TBC1D9B: variants seen among roughly 807,000 people sequenced by gnomAD.
TBC1D9B encodes the protein TBC1 domain family member 9B, also known as TBC1 domain family, member 9B (with GRAM domain).
In TBC1D9B, 87 loss-of-function variants were observed where a neutral mutation model predicts 121.1. That is an observed-to-expected ratio of 0.72 (90% confidence interval 0.60 to 0.86). The LOEUF is 0.86. TBC1D9B is among the 40% of genes least tolerant of loss of function. The probability of loss-of-function intolerance (pLI) is 0.00; values close to 1 mark genes in which losing one functional copy is unlikely to be tolerated. For missense variants in TBC1D9B, 1,540 were observed against 1,628.6 expected (o/e 0.95, Z 0.94); for synonymous variants, 668 against 670.1 (o/e 1.00, Z 0.05).
intron 17 of TBC1D9B, chr5:179,868,989 A>G (rs1266691391): frequency 6.5e-6 from 1 of 153,774 alleles, no homozygotes; most frequent in African/African-American, 2.4e-5. Flanking sequence ...CTCTGGAGGC[A>G]CAGAGCAATG....
Position 179,865,719 on chromosome 5 carries a change from G to C in TBC1D9B, c.2914+119C>G. On this transcript the variant is annotated intron_variant, in intron 19 of 20. Coordinates refer to ENST00000355235, the MANE Select transcript of TBC1D9B (RefSeq NM_015043.4). This position sits in a 1 kb window ranked among gnomAD's most constrained non-coding sequence, Gnocchi z 5.1. Reference sequence around the variant, plus strand: ...CCCGAGGCCTGCTCCCTGATCGGGGGACGCATCCGCCATCTCCCGGGGTAG... The same window carrying C: ...CCCGAGGCCTGCTCCCTGATCGGGGCACGCATCCGCCATCTCCCGGGGTAG... 1.7e-6 allele frequency: 2 copies of C among 1,155,326 alleles called. No homozygotes were observed. Among genetic ancestry groups the C allele is most frequent in the Non-Finnish European group, 2.5e-6 (2 of 806,626 alleles). The allele number at this position is 1,155,326 out of a possible 1,614,324, so 71.6% of individuals were successfully genotyped here.
chr5:179,877,936 C>T (rs1434068896), intron 10 of TBC1D9B, among the ~76,000 whole-genome samples: 2 of 152,070 alleles, frequency 1.3e-5, no homozygotes, highest in Non-Finnish European at 2.9e-5. Flanking sequence ...TGTGGTTTTG[C>T]AAGATGAAGA....
At position 179,876,093 on chromosome 5, in the gene TBC1D9B, CTG is replaced by C. The variant is rs1439978715; in HGVS notation, c.1783-58_1783-57del. 4.1e-6 allele frequency: 6 copies of C among 1,475,108 alleles called. No homozygotes were observed. The East Asian group carries it at 1.5e-4, about 36-fold the overall frequency. The allele number at this position is 1,475,108 out of a possible 1,614,324, so 91.4% of individuals were successfully genotyped here. A position where few individuals can be genotyped will look rare whatever the true frequency, so the allele number is the denominator to read the frequency against. ...TTGCACTGCTGGCCAGCAAATAAAA[CTG>C]TCTCTCCCCACCCCTCCCAGCCACC... is the stretch of plus-strand genomic sequence containing the variant. On this transcript the variant is annotated intron_variant, in intron 10 of 20. Transcript: ENST00000355235.
chr5:179,888,825 G>A (rs1760771949), intron 6 of TBC1D9B, among the ~76,000 whole-genome samples: 1 of 152,188 alleles, frequency 6.6e-6, no homozygotes, highest in Admixed American at 6.5e-5. Context: ...ACAGTCAGCA[G>A]GGGTGAGTGC....
In TBC1D9B at chr5:179,873,259, C is replaced by A; in HGVS notation, c.2187-11G>T. 6.3e-7 allele frequency: 1 copy of A among 1,589,918 alleles called. No homozygotes were observed. Among genetic ancestry groups the A allele is most frequent in the Non-Finnish European group, 8.6e-7 (1 of 1,168,182 alleles). On this transcript the variant is annotated splice_polypyrimidine_tract_variant and intron_variant, in intron 12 of 20. Transcript: ENST00000355235. ...ACATTATCCAGGTATCTGCAAAGGA[C>A]AGAGGACAACAGTCCAGACCACGCC...
intron 2 of TBC1D9B, 122 bp from the exon 3 acceptor site, chr5:179,899,429 C>T: frequency 1.3e-6 from 1 of 782,442 alleles, no homozygotes; most frequent in Admixed American, 2.3e-5. Context: ...CCAGAATCTT[C>T]AAGCTGCTTT....
chr5:179,891,724 A>T lies in TBC1D9B; in HGVS notation c.837-138T>A. ...CCTGGGGTGGTCCCTTGAGCAAGTC[A>T]TGCTCAGGGACCTCAGAGTTCAATA... On this transcript the variant is annotated intron_variant, in intron 5 of 20. Transcript: ENST00000355235. This position sits in a 1 kb window ranked among gnomAD's most constrained non-coding sequence, Gnocchi z 4.3. 1 of 850,060 alleles carries T rather than the reference A, an allele frequency of 1.2e-6. No homozygotes were observed. The highest frequency in any genetic ancestry group is 1.8e-6 in the Non-Finnish European group (1 of 553,882). 52.7% of individuals were successfully genotyped at this position (850,060 alleles called of 1,614,324 possible).
In TBC1D9B at chr5:179,865,164, A is replaced by T; in HGVS notation, c.3021+90T>A. ...GGGAGGAGCCTTCCCACCCACCAGGAGATGCTGCAGTGCAGGTGCGGTGAT... is the reference window on the plus strand; with the variant it reads ...GGGAGGAGCCTTCCCACCCACCAGGTGATGCTGCAGTGCAGGTGCGGTGAT... On this transcript the variant is annotated intron_variant, in intron 20 of 20. Transcript: ENST00000355235. This position sits in a 1 kb window ranked among gnomAD's most constrained non-coding sequence, Gnocchi z 5.1. 1.6e-6 allele frequency: 2 copies of T among 1,219,412 alleles called. No individual in the cohort carries two copies. The highest frequency in any genetic ancestry group is 2.4e-6 in the Non-Finnish European group (2 of 827,728). The allele number at this position is 1,219,412 out of a possible 1,614,324, so 75.5% of individuals were successfully genotyped here.
At position 179,863,883 on chromosome 5, in the gene TBC1D9B, G is replaced by T. The variant is rs1331006213; in HGVS notation, c.3267C>A (p.Asp1089Glu). 1 of 1,613,148 alleles carries T rather than the reference G, an allele frequency of 6.2e-7. No individual in the cohort carries two copies. The highest frequency in any genetic ancestry group is 8.5e-7 in the Non-Finnish European group (1 of 1,179,510). The change falls in exon 21 of 21, where the codon GAC becomes GAA. Residue 1089 changes from aspartate to glutamate, a missense_variant. Transcript: ENST00000355235. The surrounding 1 kb of genome is among the most constrained non-coding windows in gnomAD (Gnocchi z 4.5). ...ARELQPPAAG[D>E]PQAKAGGDTH... ...TGTCTCCGCCTGCTTTGGCTTGGGG[G>T]TCTCCTGCAGCTGGGGGCTGAAGCT...
Position 179,902,179 on chromosome 5 carries a change from TA to T in TBC1D9B, c.229+2522del, listed in dbSNP as rs1410201265. Among the ~76,000 whole-genome samples, 19 of 151,486 alleles carry T rather than the reference TA, an allele frequency of 1.3e-4. No homozygotes were observed. The highest frequency in any genetic ancestry group is 4.6e-4 in the African/African-American group (19 of 41,180). On this transcript the variant is annotated intron_variant, in intron 2 of 20. Coordinates refer to ENST00000355235, the MANE Select transcript of TBC1D9B (RefSeq NM_015043.4). The surrounding 1 kb of genome is among the most constrained non-coding windows in gnomAD (Gnocchi z 4.9). The stretch of plus-strand genomic sequence containing the variant: ...TGCAGACACGTCATGTCCAGAGGAG[TA>T]AGGAGGAAGGATGGGTCTGTGGAGT...
Position 179,890,107 on chromosome 5 carries a change from G to A in TBC1D9B, c.1044+1272C>T, listed in dbSNP as rs912125787. ...GTCACTTCCCGAGGGAAGCATGGAA[G>A]CGGGTGGTTGGGAGTGAAATTCAAG... On this transcript the variant is annotated intron_variant, in intron 6 of 20. Coordinates refer to ENST00000355235, the MANE Select transcript of TBC1D9B (RefSeq NM_015043.4). This position sits in a 1 kb window ranked among gnomAD's most constrained non-coding sequence, Gnocchi z 5.0. Among the ~76,000 whole-genome samples the A allele has an allele frequency of 7.2e-5, 11 of 152,314 alleles. No individual in the cohort carries two copies. Among genetic ancestry groups the A allele is most frequent in the Non-Finnish European group, 1.3e-4 (9 of 68,034 alleles).
At chr5:179,887,913 G>C in intron 7 of TBC1D9B, 190 bp downstream of exon 7, 2 of 691,500 alleles carry the variant, frequency 2.9e-6, no homozygotes, top group Admixed American at 5.4e-5. Context: ...GGCTGGGGGT[G>C]CAGAGAGGCT....
rs913078224 is a variant in TBC1D9B at position 179,902,841 on chromosome 5, A to G, written c.229+1861T>C. 6.6e-6 allele frequency among the ~76,000 whole-genome samples: 1 copy of G among 152,140 alleles called. No individual in the cohort carries two copies. Among genetic ancestry groups the G allele is most frequent in the African/African-American group, 2.4e-5 (1 of 41,432 alleles). On this transcript the variant is annotated intron_variant, in intron 2 of 20. Coordinates refer to ENST00000355235, the MANE Select transcript of TBC1D9B (RefSeq NM_015043.4). The surrounding 1 kb of genome is among the most constrained non-coding windows in gnomAD (Gnocchi z 4.9). The stretch of plus-strand genomic sequence containing the variant: ...CCCCCAGGGTCCACTCAGGCTCTGA[A>G]GCCAGAGATCGGGGGTCTAACTGGG...
chr5:179,885,456 G>A lies in TBC1D9B; in HGVS notation c.1254+2647C>T, dbSNP rs1368493826. ...AATACAAAATAAGCCGGGCGTGGTG[G>A]TGGACGCCTGTAATCCCAGCTACTC... On this transcript the variant is annotated intron_variant, in intron 7 of 20. Coordinates refer to ENST00000355235, the MANE Select transcript of TBC1D9B (RefSeq NM_015043.4). This position sits in a 1 kb window ranked among gnomAD's most constrained non-coding sequence, Gnocchi z 4.5. Among the ~76,000 whole-genome samples, 4 of 152,066 alleles carry A rather than the reference G, an allele frequency of 2.6e-5. No individual in the cohort carries two copies. The highest frequency in any genetic ancestry group is 4.4e-5 in the Non-Finnish European group (3 of 68,012).
intron 10 of TBC1D9B, among the ~76,000 whole-genome samples, chr5:179,877,664 C>CAAAAAAA (rs564753950): frequency 2.3e-4 from 15 of 66,632 alleles, no homozygotes; most frequent in Admixed American, 5.2e-4. Flanking sequence ...GATTCTATCT[C>CAAAAAAA]AAAAAAAAAA....
intron 4 of TBC1D9B, 102 bp downstream of exon 4, chr5:179,894,284 G>A: frequency 8.7e-7 from 1 of 1,143,862 alleles, no homozygotes; most frequent in Non-Finnish European, 1.2e-6. Context: ...TGGGTTTCAG[G>A]GAGACCCCTC....
rs574944861 is a variant in TBC1D9B at position 179,873,201 on chromosome 5, G to C, written c.2234C>G (p.Pro745Arg). 6.2e-7 allele frequency: 1 copy of C among 1,613,032 alleles called. No individual in the cohort carries two copies. Among genetic ancestry groups the C allele is most frequent in the Non-Finnish European group, 8.5e-7 (1 of 1,179,660 alleles). ...GCTGCTCAGCAAGGCACGGAGGTGC[G>C]GGATAGGAGGAGAGACACTCTGCTT... ...VNKQSVSPPI[P>R]HLRALLSSSD... is the part of the protein sequence containing the mutation. Residue 745 changes from proline to arginine, a missense_variant, in exon 13 of 21, where the codon CCG (proline) becomes CGG (arginine). Pro to Arg is a moderately radical substitution (Grantham distance 103). Transcript: ENST00000355235.
chr5:179,863,584 G>C lies in TBC1D9B; in HGVS notation c.3566C>G (p.Ser1189Cys). Reference protein sequence around the residue: ...WCISFEQILASILTESVLVNF... With the variant: ...WCISFEQILACILTESVLVNF... ...CACCAGCACGGACTCCGTCAGGATG[G>C]AGGCCAGGATCTGCTCAAAGGAGAT... is the stretch of plus-strand genomic sequence containing the variant. Residue 1189 changes from serine (S) to cysteine (C), a missense_variant, in exon 21 of 21, where the codon TCC becomes TGC. Coordinates refer to ENST00000355235, the MANE Select transcript of TBC1D9B (RefSeq NM_015043.4). This position sits in a 1 kb window ranked among gnomAD's most constrained non-coding sequence, Gnocchi z 4.5. The C allele has an allele frequency of 6.2e-7, 1 of 1,614,190 alleles. No individual in the cohort carries two copies. The highest frequency in any genetic ancestry group is 8.5e-7 in the Non-Finnish European group (1 of 1,180,052).
At chr5:179,867,328 T>C in intron 18 of TBC1D9B, 2 of 1,170,904 alleles carry the variant, frequency 1.7e-6, no homozygotes, top group South Asian at 3.2e-5. Context: ...TCAGAACTTA[T>C]GCCCCAGAGG....
Sources: allele counts gnomAD v4.1 joint callset (sites outside exome capture counted in the v4.1 genomes callset), GRCh38; gene constraint gnomAD v4.1.1; non-coding constraint Gnocchi (gnomAD v3.1); transcripts MANE v1.5; gene names NCBI Gene and HGNC (gene_info 2026-07-23, HGNC 2026-07-21).